TM4SF5: variants seen among roughly 807,000 people sequenced by gnomAD.
TM4SF5 encodes the protein transmembrane 4 L6 family member 5.
A neutral mutation model predicts 22.3 loss-of-function variants in TM4SF5; 16 were observed. That is an observed-to-expected ratio of 0.72 (90% CI 0.49 to 1.09). The LOEUF (loss-of-function observed/expected upper bound fraction) is 1.09, where lower values mean the gene tolerates loss of function less well. Among genes scored for constraint, TM4SF5 ranks in the 50% least tolerant of loss-of-function variants. The probability of loss-of-function intolerance (pLI) is 0.00; values close to 1 mark genes in which losing one functional copy is unlikely to be tolerated. For missense variants in TM4SF5, 249 were observed against 266.1 expected (o/e 0.94, Z 0.45); for synonymous variants, 113 against 109.6 (o/e 1.03, Z -0.19).
Position 4,771,971 on chromosome 17 carries a change from C to T in TM4SF5, c.49C>T (p.Leu17Phe), listed in dbSNP as rs1347440997. ...ARCVGLSLIT[L>F]CLVCIVANAL... ...CTGTGTGGGGCTCTCCCTCATTACCCTCTGCCTCGTCTGCATTGTGGCCAA... is the reference window on the plus strand; with the variant it reads ...CTGTGTGGGGCTCTCCCTCATTACCTTCTGCCTCGTCTGCATTGTGGCCAA... Residue 17 changes from leucine to phenylalanine, a missense_variant, in exon 1 of 5, where the codon CTC becomes TTC. Transcript: ENST00000270560. 1 of 1,614,106 alleles carries T rather than the reference C, an allele frequency of 6.2e-7. No homozygotes were observed. Among genetic ancestry groups the T allele is most frequent in the Non-Finnish European group, 8.5e-7 (1 of 1,180,058 alleles).
chr17:4,779,209 A>T (rs1276380775), intron 1 of TM4SF5, among the ~76,000 whole-genome samples: 1 of 152,162 alleles, frequency 6.6e-6, no homozygotes, highest in Non-Finnish European at 1.5e-5. Flanking sequence ...AGGCCAGGGC[A>T]GGAGGAGCCC....
At chr17:4,773,251 T>G (rs967522471) in intron 1 of TM4SF5, among the ~76,000 whole-genome samples, 13 of 152,204 alleles carry the variant, frequency 8.5e-5, no homozygotes, top group African/African-American at 2.9e-4. Flanking sequence ...CAGACTGGTC[T>G]CAAACTCCTG....
intron 1 of TM4SF5, among the ~76,000 whole-genome samples, 167 bp downstream of exon 1, chr17:4,772,266 G>C (rs1390193939): frequency 6.6e-6 from 1 of 152,128 alleles, no homozygotes; most frequent in Non-Finnish European, 1.5e-5. Context: ...GGAGCCCCAG[G>C]GTCCCAAGCT....
intron 1 of TM4SF5, among the ~76,000 whole-genome samples, chr17:4,780,184 T>G (rs1226487720): frequency 1.3e-5 from 2 of 151,466 alleles, no homozygotes; most frequent in African/African-American, 4.9e-5. Context: ...GCCCCCCGAG[T>G]AGCTGAGATT....
In TM4SF5 at chr17:4,772,009, G is replaced by A; in HGVS notation, c.87G>A (p.Leu29=). 2 of 1,614,174 alleles carry A rather than the reference G, an allele frequency of 1.2e-6. No homozygotes were observed. The highest frequency in any genetic ancestry group is 8.5e-7 in the Non-Finnish European group (1 of 1,180,026). Reference sequence around the variant, plus strand: ...GCATTGTGGCCAACGCCCTCCTGCTGGTACCTAATGGGGAGACCTCCTGGA... The same window carrying A: ...GCATTGTGGCCAACGCCCTCCTGCTAGTACCTAATGGGGAGACCTCCTGGA... The part of the protein sequence containing the change: ...LVCIVANALL[L]VPNGETSWTN... Residue 29 remains leucine (L), a synonymous_variant, in exon 1 of 5, where the codon CTG becomes CTA. Coordinates refer to ENST00000270560, the MANE Select transcript of TM4SF5 (RefSeq NM_003963.3).
intron 1 of TM4SF5, among the ~76,000 whole-genome samples, chr17:4,773,870 A>G (rs938522126): frequency 3.9e-5 from 6 of 152,032 alleles, no homozygotes; most frequent in Admixed American, 2.6e-4. Context: ...CCTTCCCCAA[A>G]TATGCATTCA....
At chr17:4,773,329 G>A (rs993452466) in intron 1 of TM4SF5, among the ~76,000 whole-genome samples, 2 of 152,148 alleles carry the variant, frequency 1.3e-5, no homozygotes, top group Non-Finnish European at 2.9e-5. Context: ...CACCACGCCT[G>A]GCCAAGACTA....
At chr17:4,779,984 A>G (rs1453252199) in intron 1 of TM4SF5, among the ~76,000 whole-genome samples, 1 of 151,838 alleles carries the variant, frequency 6.6e-6, no homozygotes, top group Non-Finnish European at 1.5e-5. Flanking sequence ...AATTCACCAG[A>G]CACTCCAACA....
In TM4SF5 at chr17:4,782,533, G is replaced by C; in HGVS notation, c.289G>C (p.Gly97Arg). ...MLRSVFSSAFGVLGAIYCLSV... is the reference protein window; with the variant it reads ...MLRSVFSSAFRVLGAIYCLSV... ...GCGCTCGGTCTTCTCCTCGGCGTTC[G>C]GGGTGCTTGGTGCCATCTACTGCCT... The change falls in exon 3 of 5, where the codon GGG becomes CGG. Residue 97 changes from glycine to arginine, a missense_variant. Coordinates refer to ENST00000270560, the MANE Select transcript of TM4SF5 (RefSeq NM_003963.3). 6.2e-7 allele frequency: 1 copy of C among 1,614,062 alleles called. No homozygotes were observed. Among genetic ancestry groups the C allele is most frequent in the South Asian group, 1.1e-5 (1 of 91,068 alleles).
intron 1 of TM4SF5, among the ~76,000 whole-genome samples, chr17:4,777,647 G>C (rs1318500497): frequency 6.6e-6 from 1 of 152,074 alleles, no homozygotes; most frequent in Non-Finnish European, 1.5e-5. Context: ...CACTTTGGGA[G>C]GCCGAAGCAG....
rs764980372 is a variant in TM4SF5 at position 4,771,963 on chromosome 17, T to A, written c.41T>A (p.Leu14His). ...TGTGCCCGCTGTGTGGGGCTCTCCC[T>A]CATTACCCTCTGCCTCGTCTGCATT... Reference protein sequence around the residue: ...GKCARCVGLSLITLCLVCIVA... With the variant: ...GKCARCVGLSHITLCLVCIVA... The change falls in exon 1 of 5, where the codon CTC becomes CAC. Residue 14 changes from leucine (L) to histidine (H), a missense_variant. By Grantham distance (99) the Leu-to-His change is moderately conservative (BLOSUM62 -3). Coordinates refer to ENST00000270560, the MANE Select transcript of TM4SF5 (RefSeq NM_003963.3). 8.7e-6 allele frequency: 14 copies of A among 1,614,086 alleles called. No homozygotes were observed. The highest frequency in any genetic ancestry group is 8.3e-5 in the Admixed American group (5 of 59,992).
Position 4,771,906 on chromosome 17 carries a change from C to T in TM4SF5, c.-17C>T. 1 of 1,613,940 alleles carries T rather than the reference C, an allele frequency of 6.2e-7. No homozygotes were observed. The highest frequency in any genetic ancestry group is 8.5e-7 in the Non-Finnish European group (1 of 1,179,894). The stretch of plus-strand genomic sequence containing the variant: ...GGCTTACTTTCACTCACCGCCTGTC[C>T]TTCCTGACACCTCACCATGTGTACG... On this transcript the variant is annotated 5_prime_UTR_variant, in exon 1 of 5. Transcript: ENST00000270560.
chr17:4,781,201 G>A (rs1181577002), intron 2 of TM4SF5, among the ~76,000 whole-genome samples: 2 of 151,734 alleles, frequency 1.3e-5, no homozygotes, highest in Non-Finnish European at 2.9e-5. Flanking sequence ...GTGGTGGCGG[G>A]CACCTGTAAT....
At chr17:4,779,566 G>A (rs1298919930) in intron 1 of TM4SF5, among the ~76,000 whole-genome samples, 1 of 152,174 alleles carries the variant, frequency 6.6e-6, no homozygotes, top group Non-Finnish European at 1.5e-5. Flanking sequence ...GATTCAATGT[G>A]GGGAGGAACT....
At chr17:4,781,198 C>T (rs1405079389) in intron 2 of TM4SF5, among the ~76,000 whole-genome samples, 11 of 146,292 alleles carry the variant, frequency 7.5e-5, no homozygotes, top group East Asian at 2.0e-4. Flanking sequence ...GGCGTGGTGG[C>T]GGGCACCTGT....
At chr17:4,781,007 C>T in intron 2 of TM4SF5, 138 bp downstream of exon 2, 1 of 689,178 alleles carries the variant, frequency 1.5e-6, no homozygotes, top group Non-Finnish European at 2.4e-6. Flanking sequence ...GGCAAGATCC[C>T]TATCTCTACT....
At chr17:4,782,294 G>C (rs113714560) in intron 2 of TM4SF5, among the ~76,000 whole-genome samples, 3,874 of 151,996 alleles carry the variant, frequency 0.025, 94 homozygotes, top group African/African-American at 0.065. Context: ...GGCCAGGCTG[G>C]TCTTGAACTC....
chr17:4,781,402 G>C (rs533042622), intron 2 of TM4SF5, among the ~76,000 whole-genome samples: 5 of 152,058 alleles, frequency 3.3e-5, no homozygotes, highest in African/African-American at 1.2e-4. Flanking sequence ...CAGCTACTCA[G>C]GAGGCTGAGG....
intron 2 of TM4SF5, 57 bp from the exon 3 acceptor site, chr17:4,782,446 G>A (rs778670835): frequency 5.6e-6 from 9 of 1,601,402 alleles, no homozygotes; most frequent in Admixed American, 1.7e-5. Context: ...GGCGCTGAGC[G>A]TCGTCACCCA....
Sources: allele counts gnomAD v4.1 joint callset (sites outside exome capture counted in the v4.1 genomes callset), GRCh38; gene constraint gnomAD v4.1.1; transcripts MANE v1.5; gene names NCBI Gene and HGNC (gene_info 2026-07-23, HGNC 2026-07-21).